ZC3H3: variants seen among roughly 807,000 people sequenced by gnomAD.
ZC3H3 encodes zinc finger CCCH domain-containing protein 3.
Under a neutral mutation model 77.3 loss-of-function variants are expected in ZC3H3, and 36 were observed. The ratio of observed to expected loss-of-function variants is 0.47; its 90% CI spans 0.36 to 0.61. The LOEUF (loss-of-function observed/expected upper bound fraction) is 0.61, where lower values mean the gene tolerates loss of function less well. ZC3H3 is among the 20% of genes least tolerant of loss of function. The pLI is 0.00. For synonymous variants in ZC3H3, 626 were observed against 555.2 expected (o/e 1.13, Z -1.79); for missense variants, 1,331 against 1,312.2 (o/e 1.01, Z -0.22).
At chr8:143,478,701 T>G (rs1455068888) in intron 4 of ZC3H3, among the ~76,000 whole-genome samples, 1 of 152,102 alleles carries the variant, frequency 6.6e-6, no homozygotes, top group African/African-American at 2.4e-5. Context: ...GTAGAGATGG[T>G]GTTTCACCCC....
chr8:143,523,053 G>C (rs930032672), intron 3 of ZC3H3, among the ~76,000 whole-genome samples: 3 of 152,182 alleles, frequency 2.0e-5, no homozygotes, highest in Non-Finnish European at 2.9e-5. Context: ...GGCCCCTCAG[G>C]GTCAGGGGCT....
At chr8:143,537,728 G>GC (rs1211744348) in intron 2 of ZC3H3, among the ~76,000 whole-genome samples, 1 of 152,228 alleles carries the variant, frequency 6.6e-6, no homozygotes, top group Non-Finnish European at 1.5e-5. Context: ...AACGGAAGCT[G>GC]CCCCCAGCGA....
At position 143,530,284 on chromosome 8, in the gene ZC3H3, CCCAGGCAGGGCCCTGGGCTTATT is replaced by C. The variant is rs1335116510; in HGVS notation, c.1561+5950_1561+5972del. 6.6e-6 allele frequency among the ~76,000 whole-genome samples: 1 copy of C among 152,170 alleles called. No homozygotes were observed. The highest frequency in any genetic ancestry group is 1.5e-5 in the Non-Finnish European group (1 of 68,030). ...GACAAGTCTGGGAAGGCGGCTGCTT[CCCAGGCAGGGCCCTGGGCTTATT>C]CCAGGCCACGGGGGAAGGGGGCAGG... On this transcript the variant is annotated intron_variant, in intron 3 of 11. Transcript: ENST00000262577. The surrounding 1 kb of genome is among the most constrained non-coding windows in gnomAD (Gnocchi z 4.3).
At chr8:143,539,724 G>C (rs549428312) in intron 1 of ZC3H3, among the ~76,000 whole-genome samples, 2 of 152,314 alleles carry the variant, frequency 1.3e-5, no homozygotes, top group African/African-American at 4.8e-5. Flanking sequence ...CAGGCCCTCT[G>C]GCTTGCCTAC....
At chr8:143,508,696 C>T (rs1821782965) in intron 3 of ZC3H3, among the ~76,000 whole-genome samples, 2 of 152,130 alleles carry the variant, frequency 1.3e-5, no homozygotes, top group Admixed American at 1.3e-4. Context: ...CAGCCCAAGG[C>T]TCAGGGGCTG....
At chr8:143,452,176 G>A (rs1169406817) in intron 9 of ZC3H3, among the ~76,000 whole-genome samples, 1 of 152,252 alleles carries the variant, frequency 6.6e-6, no homozygotes, top group East Asian at 1.9e-4. Flanking sequence ...ACTCAACCCT[G>A]GCCAGGAGGC....
At chr8:143,516,407 C>T (rs1822043951) in intron 3 of ZC3H3, among the ~76,000 whole-genome samples, 1 of 152,140 alleles carries the variant, frequency 6.6e-6, no homozygotes, top group African/African-American at 2.4e-5. Context: ...TGAGGCTGCT[C>T]CGCAGGGTGG....
rs150930174 is a variant in ZC3H3, at chr8:143,539,232, G to A, written c.135C>T (p.His45=). ...AASGWQPPTY[H]SGRAFSARYP... Reference sequence around the variant, plus strand: ...AGCGGGCACTAAAGGCTCTGCCACTGTGGTAAGTGGGTGGCTGCCACCCAG... The same window carrying A: ...AGCGGGCACTAAAGGCTCTGCCACTATGGTAAGTGGGTGGCTGCCACCCAG... The change falls in exon 2 of 12, where the codon CAC becomes CAT. Residue 45 remains histidine (H), a synonymous_variant. Coordinates refer to ENST00000262577, the MANE Select transcript of ZC3H3 (RefSeq NM_015117.3). 20 of 1,612,786 alleles carry A rather than the reference G, an allele frequency of 1.2e-5. No individual in the cohort carries two copies. The highest frequency in any genetic ancestry group is 1.6e-5 in the Non-Finnish European group (19 of 1,180,032).
Position 143,440,226 on chromosome 8 carries a change from G to C in ZC3H3, c.2630C>G (p.Ser877Cys). ...GGAAGCGGGAGGGGATGAGGAGGAGGAGGAGGAGGAGGAAGCCTTCGAGGA... is the reference window on the plus strand; with the variant it reads ...GGAAGCGGGAGGGGATGAGGAGGAGCAGGAGGAGGAGGAAGCCTTCGAGGA... The part of the protein sequence containing the change: ...PSSSKASSSS[S>C]SSSSPPASLD... Residue 877 changes from serine to cysteine, a missense_variant, in exon 11 of 12, where the codon TCC (serine) becomes TGC (cysteine). Transcript: ENST00000262577. 1 of 1,604,516 alleles carries C rather than the reference G, an allele frequency of 6.2e-7. No homozygotes were observed. The highest frequency in any genetic ancestry group is 8.5e-7 in the Non-Finnish European group (1 of 1,176,602).
rs1262871358 is a variant in ZC3H3 at position 143,460,904 on chromosome 8, C to A, written c.2307+4813G>T. On this transcript the variant is annotated intron_variant, in intron 9 of 11. Transcript: ENST00000262577. The surrounding 1 kb of genome is among the most constrained non-coding windows in gnomAD (Gnocchi z 4.0). ...GTACGATTCCACTTAGAGGACATAGCTAGAGGAGGCGCCTTCACTAACTAG... is the reference window on the plus strand; with the variant it reads ...GTACGATTCCACTTAGAGGACATAGATAGAGGAGGCGCCTTCACTAACTAG... Among the ~76,000 whole-genome samples the A allele has an allele frequency of 6.6e-6, 1 of 152,116 alleles. No homozygotes were observed. The highest frequency in any genetic ancestry group is 1.5e-5 in the Non-Finnish European group (1 of 68,026).
rs750636519 is a variant in ZC3H3 at position 143,465,765 on chromosome 8, G to A, written c.2259C>T (p.Ala753=). Residue 753 remains alanine, a synonymous_variant, in exon 9 of 12, where the codon GCC becomes GCT. Transcript: ENST00000262577. ...PYSHVYVSRK[A]EVCSDFLKGY... The stretch of plus-strand genomic sequence containing the variant: ...CTTTGAGGAAGTCGCTGCAGACCTC[G>A]GCCTTGCGGGACACGTACACGTGGC... 10 of 1,613,916 alleles carry A rather than the reference G, an allele frequency of 6.2e-6. No homozygotes were observed. The highest frequency in any genetic ancestry group is 1.6e-4 in the Middle Eastern group (1 of 6,062).
chr8:143,437,840 G>T lies in ZC3H3; in HGVS notation c.*216C>A. Reference sequence around the variant, plus strand: ...GCCTGGCACCCTGGAAGGTGGTGGGGTGGGGACAGGGGCCTGGCTTGGGGG... The same window carrying T: ...GCCTGGCACCCTGGAAGGTGGTGGGTTGGGGACAGGGGCCTGGCTTGGGGG... On this transcript the variant is annotated 3_prime_UTR_variant, in exon 12 of 12. Transcript: ENST00000262577. 1.6e-6 allele frequency: 1 copy of T among 622,902 alleles called. No homozygotes were observed. Among genetic ancestry groups the T allele is most frequent in the South Asian group, 1.9e-5 (1 of 53,188 alleles). 38.6% of individuals were successfully genotyped at this position (622,902 alleles called of 1,614,324 possible).
chr8:143,468,315 G>A (rs375731842), intron 7 of ZC3H3, 37 bp from the exon 8 acceptor site: 26 of 1,611,730 alleles, frequency 1.6e-5, no homozygotes, highest in Non-Finnish European at 1.8e-5. Flanking sequence ...AGGAAGGGCC[G>A]GCAGGGACCA....
intron 4 of ZC3H3, among the ~76,000 whole-genome samples, chr8:143,485,873 G>C (rs1188776101): frequency 6.6e-6 from 1 of 152,250 alleles, no homozygotes; most frequent in Non-Finnish European, 1.5e-5. Flanking sequence ...AGCAATGCCA[G>C]CCAGCGGGAT....
intron 5 of ZC3H3, among the ~76,000 whole-genome samples, chr8:143,474,144 C>CA (rs1214468865): frequency 6.6e-6 from 1 of 151,814 alleles, no homozygotes. Flanking sequence ...ACCACACGCA[C>CA]AAATCACACA....
chr8:143,516,126 G>A (rs1040525823), intron 3 of ZC3H3, among the ~76,000 whole-genome samples: 1 of 152,242 alleles, frequency 6.6e-6, no homozygotes, highest in African/African-American at 2.4e-5. Context: ...GGCAGGGGGC[G>A]GCTGGTGAGT....
At chr8:143,527,084 G>A (rs766305522) in intron 3 of ZC3H3, among the ~76,000 whole-genome samples, 7 of 152,186 alleles carry the variant, frequency 4.6e-5, no homozygotes, top group African/African-American at 7.2e-5. Context: ...CCCGCCACCC[G>A]AGCACTTGGC....
rs1819694846 is a variant in ZC3H3, at chr8:143,440,078, C to G, written c.2778G>C (p.Arg926Ser). Residue 926 changes from arginine (R) to serine (S), a missense_variant, in exon 11 of 12, where the codon AGG (arginine) becomes AGC (serine). Arg to Ser is a moderately radical substitution (Grantham distance 110, BLOSUM62 -1). This residue lies in a region of ZC3H3 where 249 missense variants were observed against 236.9 expected (regional missense o/e 1.05). Coordinates refer to ENST00000262577, the MANE Select transcript of ZC3H3 (RefSeq NM_015117.3). ...QSSPSPGAQP[R>S]VRAPRAPLTK... is the part of the protein sequence containing the mutation. ...TGAGGGGGGCCCTAGGGGCCCGGAC[C>G]CTGGGCTGGGCTCCTGGGCTCGGCG... is the stretch of plus-strand genomic sequence containing the variant. The G allele has an allele frequency of 6.3e-7, 1 of 1,595,688 alleles. No individual in the cohort carries two copies.
At chr8:143,495,321 C>T (rs1821317092) in intron 4 of ZC3H3, among the ~76,000 whole-genome samples, 1 of 152,194 alleles carries the variant, frequency 6.6e-6, no homozygotes, top group South Asian at 2.1e-4. Flanking sequence ...ACATCTGACT[C>T]CATTGACAGA....
Sources: gnomAD v4.1 joint callset for allele counts (sites outside exome capture counted in the v4.1 genomes callset) on GRCh38, gnomAD v4.1.1 for gene constraint, gnomAD v4.1.1 regional missense constraint, Gnocchi (gnomAD v3.1) non-coding constraint, MANE v1.5 for transcripts, NCBI Gene and HGNC (gene_info 2026-07-23, HGNC 2026-07-21) for gene names.